Variants in MARCHF10 observed in about 807,000 individuals in gnomAD.
The protein encoded by MARCHF10 is probable E3 ubiquitin-protein ligase MARCHF10.
A neutral mutation model predicts 76.2 loss-of-function variants in MARCHF10; 64 were observed. That is an observed-to-expected ratio of 0.84 (90% CI 0.69 to 1.03). The LOEUF (loss-of-function observed/expected upper bound fraction) is 1.03, where lower values mean the gene tolerates loss of function less well. MARCHF10 is among the 50% of genes least tolerant of loss of function. The pLI is 0.00. For synonymous variants in MARCHF10, 340 were observed against 357.5 expected (o/e 0.95, Z 0.55); for missense variants, 875 against 958.0 (o/e 0.91, Z 1.14).
chr17:62,778,861 T>G (rs180731177), intron 3 of MARCHF10, among the ~76,000 whole-genome samples: 209 of 152,198 alleles, frequency 1.4e-3, no homozygotes, highest in Non-Finnish European at 2.4e-3. Flanking sequence ...TCCAGGATTC[T>G]GGCTTGGGCA....
At chr17:62,731,630 A>G (rs1315441500) in intron 6 of MARCHF10, among the ~76,000 whole-genome samples, 1 of 152,196 alleles carries the variant, frequency 6.6e-6, no homozygotes, top group Non-Finnish European at 1.5e-5. Context: ...GCGTGGAGAA[A>G]GAGGACCCTC....
intron 4 of MARCHF10, among the ~76,000 whole-genome samples, chr17:62,753,355 C>T (rs2091952185): frequency 6.6e-6 from 1 of 152,324 alleles, no homozygotes; most frequent in Non-Finnish European, 1.5e-5. Flanking sequence ...GATCCACCCA[C>T]CTTAGCCTCC....
chr17:62,801,335 T>A (rs1166324897), intron 2 of MARCHF10, among the ~76,000 whole-genome samples: 2 of 151,938 alleles, frequency 1.3e-5, no homozygotes, highest in Non-Finnish European at 2.9e-5. Context: ...TTGTATTTTT[T>A]GTAGAGACAG....
At chr17:62,735,746 T>C in intron 6 of MARCHF10, 185 bp downstream of exon 6, 1 of 596,696 alleles carries the variant, frequency 1.7e-6, no homozygotes, top group Middle Eastern at 4.4e-4. Context: ...CACCAGACTT[T>C]TCTTTATAAA....
chr17:62,756,380 A>T (rs1020714067), intron 4 of MARCHF10, among the ~76,000 whole-genome samples: 1 of 152,164 alleles, frequency 6.6e-6, no homozygotes, highest in Non-Finnish European at 1.5e-5. Flanking sequence ...CAGGAGTTTG[A>T]GGTTGCAGTG....
chr17:62,737,058 C>T lies in MARCHF10; in HGVS notation c.810G>A (p.Arg270=), dbSNP rs1165136264. The change falls in exon 6 of 11, where the codon AGG becomes AGA. Residue 270 remains arginine (R), a synonymous_variant. Transcript: ENST00000311269. ...TGGAATAAAAGTCTTCATCTCGGAA[C>T]CTAAATGATGCCTTTCTTGGCCCTC... ...TVGGPRKASF[R]FRDEDFYSIL... 1 of 1,614,094 alleles carries T rather than the reference C, an allele frequency of 6.2e-7. No individual in the cohort carries two copies.
intron 4 of MARCHF10, among the ~76,000 whole-genome samples, chr17:62,757,226 T>G (rs531736770): frequency 6.6e-6 from 1 of 152,302 alleles, no homozygotes; most frequent in South Asian, 2.1e-4. Flanking sequence ...GGAATTTCAC[T>G]GTGTTTGATG....
At chr17:62,744,251 T>A (rs2091620838) in intron 5 of MARCHF10, 125 bp downstream of exon 5, 4 of 1,072,194 alleles carry the variant, frequency 3.7e-6, no homozygotes, top group Non-Finnish European at 5.4e-6. Flanking sequence ...TGTTTCATTT[T>A]AAGGTACATG....
chr17:62,704,581 G>A (rs964620185), intron 10 of MARCHF10, among the ~76,000 whole-genome samples: 2 of 152,244 alleles, frequency 1.3e-5, no homozygotes, highest in Non-Finnish European at 2.9e-5. Context: ...GCGCCTTCCA[G>A]GCAGGACTAC....
rs909080725 is a variant in MARCHF10 at position 62,705,381 on chromosome 17, T to G, written c.2371+158A>C. On this transcript the variant is annotated intron_variant, in intron 10 of 10. Coordinates refer to ENST00000311269, the MANE Select transcript of MARCHF10 (RefSeq NM_152598.4). ...GTGAACTTGGCCTCGCCTTCCTGAT[T>G]GTTTGCTGCGGCTGACTTTCCCAAG... 1.3e-5 allele frequency: 20 copies of G among 1,534,812 alleles called. No individual in the cohort carries two copies. The Middle Eastern group carries it at 8.4e-4, about 65-fold the overall frequency.
At chr17:62,740,049 AGT>A (rs112894135) in intron 5 of MARCHF10, among the ~76,000 whole-genome samples, 20,449 of 145,128 alleles carry the variant, frequency 0.14, 2,537 homozygotes, top group African/African-American at 0.35. Context: ...GCTTCTCTGC[AGT>A]GTGTGTGTGT....
chr17:62,753,937 C>T (rs558052751), intron 4 of MARCHF10, among the ~76,000 whole-genome samples: 77 of 152,290 alleles, frequency 5.1e-4, no homozygotes, highest in African/African-American at 1.7e-3. Context: ...TACACCAGTT[C>T]GCCCTGGTAT....
At chr17:62,761,631 A>G (rs1320504451) in intron 3 of MARCHF10, among the ~76,000 whole-genome samples, 2 of 152,150 alleles carry the variant, frequency 1.3e-5, no homozygotes, top group East Asian at 3.9e-4. Flanking sequence ...TATGTTGGCC[A>G]GGCTGGTCTC....
intron 6 of MARCHF10, among the ~76,000 whole-genome samples, chr17:62,731,842 A>C (rs1399676939): frequency 6.6e-6 from 1 of 152,238 alleles, no homozygotes; most frequent in Non-Finnish European, 1.5e-5. Context: ...CAGCCCTCAA[A>C]AAAATTGACA....
intron 8 of MARCHF10, among the ~76,000 whole-genome samples, chr17:62,715,747 A>G (rs972602533): frequency 6.6e-6 from 1 of 152,156 alleles, no homozygotes; most frequent in Non-Finnish European, 1.5e-5. Flanking sequence ...AGATGCTTGT[A>G]GGAGTTCCTG....
Position 62,731,916 on chromosome 17 carries a change from C to G in MARCHF10, c.1937+4015G>C, listed in dbSNP as rs554811883. 1.4e-4 allele frequency among the ~76,000 whole-genome samples: 22 copies of G among 152,168 alleles called. No individual in the cohort carries two copies. In the East Asian group the frequency reaches 4.1e-3, roughly 28 times the overall value. ...GTTTGGAAAGAAAGAAATCAAACTACTAATATTTTTTACAGTTGAAATTAT... is the reference window on the plus strand; with the variant it reads ...GTTTGGAAAGAAAGAAATCAAACTAGTAATATTTTTTACAGTTGAAATTAT... On this transcript the variant is annotated intron_variant, in intron 6 of 10. Coordinates refer to ENST00000311269, the MANE Select transcript of MARCHF10 (RefSeq NM_152598.4).
chr17:62,736,772 G>T lies in MARCHF10; in HGVS notation c.1096C>A (p.Arg366=). 6 of 1,614,164 alleles carry T rather than the reference G, an allele frequency of 3.7e-6. No individual in the cohort carries two copies. The highest frequency in any genetic ancestry group is 5.1e-6 in the Non-Finnish European group (6 of 1,180,040). The change falls in exon 6 of 11, where the codon CGG becomes AGG. Residue 366 remains arginine, a synonymous_variant. Coordinates refer to ENST00000311269, the MANE Select transcript of MARCHF10 (RefSeq NM_152598.4). ...ISNAMEPATE[R]PSAGQRLSQD... ...GACAACCTTTGCCCAGCAGAAGGCC[G>T]CTCTGTTGCTGGCTCCATTGCATTG...
Position 62,758,257 on chromosome 17 carries a change from G to A in MARCHF10, c.382+1578C>T, listed in dbSNP as rs145519411. Among the ~76,000 whole-genome samples the A allele has an allele frequency of 1.5e-4, 23 of 152,138 alleles. No homozygotes were observed. In the East Asian group the frequency reaches 3.1e-3, roughly 20 times the overall value. On this transcript the variant is annotated intron_variant, in intron 4 of 10. Coordinates refer to ENST00000311269, the MANE Select transcript of MARCHF10 (RefSeq NM_152598.4). ...TCTACTAAAAATACAAAAATTACCC[G>A]GAAATCGCTTGAACCGGGGAGGCGG... is the stretch of plus-strand genomic sequence containing the variant.
At chr17:62,730,891 T>TCAACAACAA (rs34266869) in intron 6 of MARCHF10, among the ~76,000 whole-genome samples, 19 of 150,594 alleles carry the variant, frequency 1.3e-4, no homozygotes, top group African/African-American at 4.1e-4. Flanking sequence ...AGACTCCATC[T>TCAACAACAA]CAACAACAAC....
Sources: allele counts gnomAD v4.1 joint callset (sites outside exome capture counted in the v4.1 genomes callset), GRCh38; gene constraint gnomAD v4.1.1; transcripts MANE v1.5; gene names NCBI Gene and HGNC (gene_info 2026-07-23, HGNC 2026-07-21).